Variants in IGSF21 observed in about 807,000 individuals in gnomAD.
IGSF21 encodes the protein immunoglobulin superfamily member 21.
Under a neutral mutation model 46.8 loss-of-function variants are expected in IGSF21, and 28 were observed. That is an observed-to-expected ratio of 0.60 (90% CI 0.44 to 0.82). The LOEUF (loss-of-function observed/expected upper bound fraction) is 0.82. Ranked by LOEUF, IGSF21 falls within the 40% of genes least tolerant of loss-of-function variation. The pLI is 0.00. For missense variants in IGSF21, 624 were observed against 665.5 expected (o/e 0.94, Z 0.69); for synonymous variants, 284 against 273.6 (o/e 1.04, Z -0.38).
intron 3 of IGSF21, among the ~76,000 whole-genome samples, chr1:18,326,803 C>G (rs758979683): frequency 7.9e-5 from 12 of 152,104 alleles, no homozygotes; most frequent in Non-Finnish European, 1.8e-4. Context: ...GGCTTGCTCC[C>G]GTAGTCGATG....
intron 3 of IGSF21, among the ~76,000 whole-genome samples, chr1:18,328,440 T>G (rs1232862277): frequency 6.6e-6 from 1 of 152,246 alleles, no homozygotes; most frequent in Non-Finnish European, 1.5e-5. Flanking sequence ...TGAGTGTGTA[T>G]GACTTTCACG....
rs561019756 is a variant in IGSF21, at chr1:18,361,728, A to G, written c.425-387A>G. The G allele has an allele frequency of 1.3e-4, 21 of 167,610 alleles. No homozygotes were observed. In the South Asian group the frequency reaches 2.3e-3, roughly 18 times the overall value. The allele number at this position is 167,610 out of a possible 1,614,324, so 10.4% of individuals were successfully genotyped here. On this transcript the variant is annotated intron_variant, in intron 4 of 9. Transcript: ENST00000251296. ...CTACCTGCCACGCTGTCTCCCACCC[A>G]CTCTTGTGACCTCAGATCACGGCAG...
intron 2 of IGSF21, among the ~76,000 whole-genome samples, chr1:18,263,309 C>A (rs1273524361): frequency 6.6e-6 from 1 of 152,092 alleles, no homozygotes; most frequent in African/African-American, 2.4e-5. Flanking sequence ...CTACTTGCAT[C>A]ACTGCTTGTG....
intron 3 of IGSF21, among the ~76,000 whole-genome samples, chr1:18,308,524 T>G (rs1450645302): frequency 6.6e-6 from 1 of 152,172 alleles, no homozygotes; most frequent in Non-Finnish European, 1.5e-5. Context: ...CTCTTTGAGC[T>G]CCACAACACC....
intron 3 of IGSF21, among the ~76,000 whole-genome samples, chr1:18,293,421 G>A (rs1569745216): frequency 6.6e-6 from 1 of 152,138 alleles, no homozygotes. Flanking sequence ...GAAGGTGAGT[G>A]TGCTCCCCAG....
At chr1:18,255,780 C>T (rs1163610281) in intron 2 of IGSF21, among the ~76,000 whole-genome samples, 2 of 152,128 alleles carry the variant, frequency 1.3e-5, no homozygotes, top group Non-Finnish European at 2.9e-5. Context: ...CTTCAATGTG[C>T]CTGCTCCTCC....
At chr1:18,182,964 C>G (rs1333831551) in intron 1 of IGSF21, among the ~76,000 whole-genome samples, 1 of 152,220 alleles carries the variant, frequency 6.6e-6, no homozygotes, top group African/African-American at 2.4e-5. Context: ...CTCTCCTTAT[C>G]CAGCAGACGC....
intron 3 of IGSF21, among the ~76,000 whole-genome samples, chr1:18,331,035 T>C (rs2085707698): frequency 6.6e-6 from 1 of 152,262 alleles, no homozygotes; most frequent in Admixed American, 6.5e-5. Context: ...GAAATATTTT[T>C]ATCGAATTGA....
intron 2 of IGSF21, among the ~76,000 whole-genome samples, chr1:18,243,509 A>C (rs1318162219): frequency 6.6e-6 from 1 of 151,692 alleles, no homozygotes; most frequent in Non-Finnish European, 1.5e-5. Flanking sequence ...TCCTGATCAC[A>C]CTCTCTGCTT....
intron 1 of IGSF21, among the ~76,000 whole-genome samples, chr1:18,156,516 G>A (rs2086570722): frequency 6.6e-6 from 1 of 152,172 alleles, no homozygotes; most frequent in Admixed American, 6.5e-5. Flanking sequence ...CAACAACAAA[G>A]CCACTGTCCC....
At chr1:18,267,323 A>G (rs1168653274) in intron 2 of IGSF21, among the ~76,000 whole-genome samples, 1 of 152,226 alleles carries the variant, frequency 6.6e-6, no homozygotes, top group Non-Finnish European at 1.5e-5. Context: ...AAGCAGAAGC[A>G]GCTCTCAGCT....
chr1:18,205,541 A>T (rs1019310191), intron 1 of IGSF21, among the ~76,000 whole-genome samples: 2 of 152,108 alleles, frequency 1.3e-5, no homozygotes, highest in Non-Finnish European at 2.9e-5. Context: ...ACGGAGCATG[A>T]CTCAAACAAC....
chr1:18,277,440 T>C (rs1466308806), intron 2 of IGSF21, among the ~76,000 whole-genome samples: 1 of 152,226 alleles, frequency 6.6e-6, no homozygotes, highest in East Asian at 1.9e-4. Flanking sequence ...CACTCACCTC[T>C]GTGTCTAGCA....
intron 1 of IGSF21, among the ~76,000 whole-genome samples, chr1:18,170,695 A>G (rs887574687): frequency 7.2e-5 from 11 of 152,008 alleles, no homozygotes; most frequent in African/African-American, 2.4e-4. Context: ...ATTTGAACGT[A>G]CACTGCCTGA....
At chr1:18,243,074 G>A (rs976064764) in intron 2 of IGSF21, among the ~76,000 whole-genome samples, 1 of 152,188 alleles carries the variant, frequency 6.6e-6, no homozygotes, top group Non-Finnish European at 1.5e-5. Context: ...AGGGCAATCA[G>A]GGACCTATGC....
intron 1 of IGSF21, among the ~76,000 whole-genome samples, chr1:18,196,221 G>A (rs1570324335): frequency 6.6e-6 from 1 of 152,158 alleles, no homozygotes; most frequent in Non-Finnish European, 1.5e-5. Flanking sequence ...CAGGGAGGCC[G>A]GGGAGGATGC....
At chr1:18,303,182 G>A (rs1481323320) in intron 3 of IGSF21, among the ~76,000 whole-genome samples, 2 of 152,168 alleles carry the variant, frequency 1.3e-5, no homozygotes, top group South Asian at 2.1e-4. Flanking sequence ...GGAAAGGCTC[G>A]TTAAATTAAT....
rs1267567366 is a variant in IGSF21 at position 18,107,996 on chromosome 1, G to A, written c.-133G>A. ...CGCGGCGGCATGGGGGCGCCCCCGC[G>A]GCTCTCCGCGCTGCCCGCCACCGCC... On this transcript the variant is annotated 5_prime_UTR_variant, in exon 1 of 10. Coordinates refer to ENST00000251296, the MANE Select transcript of IGSF21 (RefSeq NM_032880.5). 1 of 288,940 alleles carries A rather than the reference G, an allele frequency of 3.5e-6. No individual in the cohort carries two copies. The highest frequency in any genetic ancestry group is 5.5e-5 in the Admixed American group (1 of 18,220). The allele number at this position is 288,940 out of a possible 1,614,324, so 17.9% of individuals were successfully genotyped here.
rs558241648 is a variant in IGSF21, at chr1:18,300,808, C to CA, written c.305+8822dup. ...GACCCAATCCCAGGCCTCCTACCCCCAGAGCTCTAATTAGGAAAGGGGGGC... is the reference window on the plus strand; with the variant it reads ...GACCCAATCCCAGGCCTCCTACCCCCAAGAGCTCTAATTAGGAAAGGGGGGC... On this transcript the variant is annotated intron_variant, in intron 3 of 9. Transcript: ENST00000251296. Among the ~76,000 whole-genome samples, 144 of 152,256 alleles carry CA rather than the reference C, an allele frequency of 9.5e-4. 1 individual carries two copies. Among genetic ancestry groups the CA allele is most frequent in the African/African-American group, 3.2e-3 (135 of 41,576 alleles).
Sources: gnomAD v4.1 joint callset for allele counts (sites outside exome capture counted in the v4.1 genomes callset) on GRCh38, gnomAD v4.1.1 for gene constraint, MANE v1.5 for transcripts, NCBI Gene and HGNC (gene_info 2026-07-23, HGNC 2026-07-21) for gene names.